The following MME variants were observed in gnomAD, a reference collection of about 807,000 sequenced individuals.
MME encodes the protein neprilysin.
MME carries 98 observed loss-of-function variants against 113.2 expected under a neutral mutation model. That is an observed-to-expected ratio of 0.87 (90% confidence interval 0.74 to 1.02). MME has a LOEUF of 1.02. Among genes scored for constraint, MME ranks in the 50% least tolerant of loss-of-function variants. The probability of loss-of-function intolerance (pLI) is 0.00; values close to 1 mark genes in which losing one functional copy is unlikely to be tolerated. For missense variants in MME, 836 were observed against 896.0 expected (o/e 0.93, Z 0.86); for synonymous variants, 292 against 300.6 (o/e 0.97, Z 0.30).
chr3:155,168,928 AT>A, intron 20 of MME, 131 bp downstream of exon 20: 1 of 746,420 alleles, frequency 1.3e-6, no homozygotes, highest in East Asian at 2.7e-5. Context: ...ATGGAAAAAA[AT>A]ATGAGAAGAA....
chr3:155,053,118 A>C (rs1713814583), intron 1 of MME, among the ~76,000 whole-genome samples: 1 of 152,164 alleles, frequency 6.6e-6, no homozygotes, highest in Non-Finnish European at 1.5e-5. Context: ...CCATTCAACA[A>C]GTCACTGGGA....
At chr3:155,117,388 G>A (rs1201282474) in intron 7 of MME, among the ~76,000 whole-genome samples, 2 of 152,138 alleles carry the variant, frequency 1.3e-5, no homozygotes, top group Non-Finnish European at 2.9e-5. Flanking sequence ...ACAGAAAAGG[G>A]ATTTTAAACA....
chr3:155,076,106 G>A (rs1714738763), upstream of MME, among the ~76,000 whole-genome samples: 1 of 152,098 alleles, frequency 6.6e-6, no homozygotes, highest in South Asian at 2.1e-4. Context: ...GTCTAGCTTG[G>A]ACTACTTTAC....
At chr3:155,155,008 A>T (rs962664415) in intron 16 of MME, among the ~76,000 whole-genome samples, 1 of 152,198 alleles carries the variant, frequency 6.6e-6, no homozygotes, top group Non-Finnish European at 1.5e-5. Context: ...GTTGTAACAG[A>T]TGAAAATTTT....
intron 1 of MME, among the ~76,000 whole-genome samples, chr3:155,082,549 T>G (rs1188408089): frequency 6.6e-6 from 1 of 152,216 alleles, no homozygotes; most frequent in East Asian, 1.9e-4. Context: ...CCAGGGGTGG[T>G]GAGACTAAGC....
intron 16 of MME, among the ~76,000 whole-genome samples, chr3:155,150,575 C>T (rs1331587742): frequency 6.6e-6 from 1 of 152,114 alleles, no homozygotes; most frequent in Non-Finnish European, 1.5e-5. Context: ...AGGTTCAAAA[C>T]TCTAGCTGCA....
At chr3:155,056,110 T>A (rs1342402960) in intron 1 of MME, among the ~76,000 whole-genome samples, 1 of 152,194 alleles carries the variant, frequency 6.6e-6, no homozygotes, top group Non-Finnish European at 1.5e-5. Flanking sequence ...GAATTCTACC[T>A]GCAGCACTCC....
rs558287666 is a variant in MME at position 155,088,495 on chromosome 3, C to T, written c.196+3401C>T. Among the ~76,000 whole-genome samples the T allele has an allele frequency of 3.0e-3, 462 of 152,062 alleles. 2 individuals carry two copies. Among genetic ancestry groups the T allele is most frequent in the African/African-American group, 0.011 (440 of 41,474 alleles). On this transcript the variant is annotated intron_variant, in intron 3 of 22. Transcript: ENST00000360490. The stretch of plus-strand genomic sequence containing the variant: ...GGTCGAGAGTTCAAGACCAGCCTGA[C>T]CAACATGGAGAAAACCCATCTCTAC...
intron 4 of MME, 126 bp from the exon 5 acceptor site, chr3:155,116,353 G>GAAAAGC: frequency 4.0e-6 from 3 of 755,352 alleles, no homozygotes; most frequent in Non-Finnish European, 6.9e-6. Flanking sequence ...TGTACCTCCA[G>GAAAAGC]AAAAGCAAGG....
intron 1 of MME, among the ~76,000 whole-genome samples, chr3:155,035,982 A>G (rs1042964244): frequency 6.6e-6 from 1 of 152,158 alleles, no homozygotes. Flanking sequence ...AATCCAGGCA[A>G]AAATGATGGT....
chr3:155,142,039 A>G lies in MME; in HGVS notation c.1006A>G (p.Ile336Val), dbSNP rs1721133926. 1.2e-6 allele frequency: 2 copies of G among 1,613,576 alleles called. No individual in the cohort carries two copies. Among genetic ancestry groups the G allele is most frequent in the East Asian group, 4.5e-5 (2 of 44,856 alleles). The change falls in exon 11 of 23, where the codon ATT (isoleucine) becomes GTT (valine). Residue 336 changes from isoleucine to valine, a missense_variant. Physicochemically the swap from Ile to Val is conservative, Grantham distance 29 (BLOSUM62 3). Coordinates refer to ENST00000360490, the MANE Select transcript of MME (RefSeq NM_007289.4). ...AAATGAAATCATGTCAACTGTGAATATTAGTATTACAAATGAGGAAGATGT... is the reference window on the plus strand; with the variant it reads ...AAATGAAATCATGTCAACTGTGAATGTTAGTATTACAAATGAGGAAGATGT... ...FTNEIMSTVN[I>V]SITNEEDVVV... is the part of the protein sequence containing the mutation.
At chr3:155,026,499 G>A in intron 1 of MME, among the ~76,000 whole-genome samples, 1 of 152,150 alleles carries the variant, frequency 6.6e-6, no homozygotes, top group African/African-American at 2.4e-5. Context: ...CGAGGTGGGT[G>A]GATCACCTGA....
chr3:155,051,664 A>T (rs1344568369), intron 1 of MME, among the ~76,000 whole-genome samples: 3 of 152,150 alleles, frequency 2.0e-5, no homozygotes, highest in East Asian at 3.9e-4. Flanking sequence ...ATTACCTCCC[A>T]TAGGGTCCCT....
chr3:155,135,295 C>T (rs1720535531), intron 8 of MME, among the ~76,000 whole-genome samples: 2 of 152,146 alleles, frequency 1.3e-5, no homozygotes, highest in Admixed American at 1.3e-4. Flanking sequence ...TTTAATCCAT[C>T]TTGAGGTAAT....
intron 3 of MME, among the ~76,000 whole-genome samples, chr3:155,104,646 A>G (rs1442570695): frequency 1.3e-5 from 2 of 152,222 alleles, no homozygotes; most frequent in Non-Finnish European, 2.9e-5. Context: ...ACAATGTTTA[A>G]ACAGAAGGAA....
intron 14 of MME, among the ~76,000 whole-genome samples, chr3:155,144,823 A>G (rs907634673): frequency 1.3e-5 from 2 of 152,138 alleles, no homozygotes; most frequent in Non-Finnish European, 2.9e-5. Flanking sequence ...ACTGAGTTTC[A>G]TAAGAATAGG....
chr3:155,083,958 G>A (rs922853529), intron 1 of MME, 200 bp from the exon 2 acceptor site: 16 of 552,210 alleles, frequency 2.9e-5, no homozygotes, highest in Non-Finnish European at 4.8e-5. Context: ...AAAAACAAAA[G>A]GTTGTGACTG....
chr3:155,107,596 G>A (rs9827586), intron 3 of MME, among the ~76,000 whole-genome samples: 49,429 of 151,960 alleles, frequency 0.33, 8,669 homozygotes, highest in Non-Finnish European at 0.41. Flanking sequence ...CCAAAGAAAA[G>A]AGGAATATAA....
At chr3:155,025,470 A>G (rs1712748004) in intron 1 of MME, among the ~76,000 whole-genome samples, 1 of 151,606 alleles carries the variant, frequency 6.6e-6, no homozygotes, top group Non-Finnish European at 1.5e-5. Context: ...ACAAAAATAC[A>G]AAAATTAGCT....
Sources: gnomAD v4.1 joint callset for allele counts (sites outside exome capture counted in the v4.1 genomes callset) on GRCh38, gnomAD v4.1.1 for gene constraint, MANE v1.5 for transcripts, NCBI Gene and HGNC (gene_info 2026-07-23, HGNC 2026-07-21) for gene names.